The following PDE11A variants were observed in gnomAD, a reference collection of about 807,000 sequenced individuals.
The protein encoded by PDE11A is dual 3',5'-cyclic-AMP and -GMP phosphodiesterase 11A.
Under a neutral mutation model 100.5 loss-of-function variants are expected in PDE11A, and 100 were observed. The ratio of observed to expected loss-of-function variants is 1.00; its 90% confidence interval spans 0.85 to 1.18. The LOEUF is 1.18. Ranked by LOEUF, PDE11A falls within the 50% of genes most tolerant of loss-of-function variation. The pLI is 0.00. For synonymous variants in PDE11A, 381 were observed against 420.8 expected, an observed-to-expected ratio of 0.91 and a Z score of 1.16; for missense variants, 1,141 against 1,152.6, an observed-to-expected ratio of 0.99 and a Z score of 0.15.
chr2:177,680,843 GT>G lies in PDE11A; in HGVS notation c.2405del (p.Asn802ThrfsTer10). On this transcript the variant is annotated frameshift_variant, in exon 16 of 20. Transcript: ENST00000286063. LOFTEE classifies it high-confidence loss of function. ...SKGEYDWNIKNHRDIFRSMLM... is the reference protein window; with the variant it reads ...SKGEYDWNIKXHRDIFRSMLM... The stretch of plus-strand genomic sequence containing the variant: ...TTTCTTACCGAAATATATCACGATG[GT>G]TTTTGATGTTCCAATCGTATTCTCC... The G allele has an allele frequency of 4.4e-6, 7 of 1,577,344 alleles. No homozygotes were observed. The highest frequency in any genetic ancestry group is 6.1e-6 in the Non-Finnish European group (7 of 1,147,540).
At chr2:178,053,475 A>G (rs916770088) in intron 1 of PDE11A, among the ~76,000 whole-genome samples, 1 of 152,190 alleles carries the variant, frequency 6.6e-6, no homozygotes, top group African/African-American at 2.4e-5. Flanking sequence ...GCCCTCTCTC[A>G]CCACTCCTAT....
chr2:177,878,994 C>T (rs1200887090), intron 4 of PDE11A, among the ~76,000 whole-genome samples: 4 of 152,138 alleles, frequency 2.6e-5, no homozygotes, highest in South Asian at 2.1e-4. Context: ...ATTGTTTCTG[C>T]ATTTCAAAAT....
chr2:177,847,849 T>C (rs1295649480), intron 5 of PDE11A, among the ~76,000 whole-genome samples: 1 of 152,160 alleles, frequency 6.6e-6, no homozygotes, highest in Non-Finnish European at 1.5e-5. Flanking sequence ...CCCATACCCC[T>C]CTCTGTAGAC....
At chr2:177,641,502 G>A (rs73977687) in intron 19 of PDE11A, among the ~76,000 whole-genome samples, 10,087 of 151,492 alleles carry the variant, frequency 0.067, 929 homozygotes, top group African/African-American at 0.21. Flanking sequence ...CTATATGTGA[G>A]AGCAGATGGA....
At chr2:177,938,877 A>G (rs764247343) in intron 2 of PDE11A, among the ~76,000 whole-genome samples, 3 of 152,194 alleles carry the variant, frequency 2.0e-5, no homozygotes, top group Non-Finnish European at 2.9e-5. Context: ...CTAATCCAAT[A>G]TGACTGGTGT....
At chr2:177,994,148 C>T (rs190473728) in intron 2 of PDE11A, among the ~76,000 whole-genome samples, 2 of 152,142 alleles carry the variant, frequency 1.3e-5, no homozygotes, top group African/African-American at 2.4e-5. Context: ...GCGGGCTGGT[C>T]TCGAACTCCT....
intron 10 of PDE11A, among the ~76,000 whole-genome samples, chr2:177,758,026 C>CGCCTGTAA (rs1298886518): frequency 2.0e-5 from 3 of 151,850 alleles, no homozygotes; most frequent in African/African-American, 7.3e-5. Flanking sequence ...CGGTGGCTCA[C>CGCCTGTAA]TCCTGTAATC....
At chr2:178,080,591 G>T (rs2087272223) in intron 2 of PDE11A, among the ~76,000 whole-genome samples, 1 of 152,142 alleles carries the variant, frequency 6.6e-6, no homozygotes, top group Non-Finnish European at 1.5e-5. Context: ...ATTAAGCACT[G>T]ATGCCTTTCT....
At chr2:178,040,390 GATGTCCAGTTTATTCTTCT>G (rs1381823983) in intron 1 of PDE11A, among the ~76,000 whole-genome samples, 8 of 152,090 alleles carry the variant, frequency 5.3e-5, no homozygotes, top group Non-Finnish European at 1.2e-4. Context: ...TGAGTAGAAG[GATGTCCAGTTTATTCTTCT>G]TTATGCTGTA....
At chr2:178,017,189 G>A (rs2086349204) in intron 1 of PDE11A, among the ~76,000 whole-genome samples, 1 of 152,258 alleles carries the variant, frequency 6.6e-6, no homozygotes, top group South Asian at 2.1e-4. Flanking sequence ...AAGGCGCTAA[G>A]GCGCCACATA....
intron 1 of PDE11A, among the ~76,000 whole-genome samples, chr2:178,040,000 T>A (rs1315331316): frequency 6.7e-6 from 1 of 150,062 alleles, no homozygotes; most frequent in Non-Finnish European, 1.5e-5. Flanking sequence ...ATGAAGGTGG[T>A]GGTGACAAGA....
intron 1 of PDE11A, among the ~76,000 whole-genome samples, chr2:178,066,306 G>C (rs970089822): frequency 2.0e-5 from 3 of 152,170 alleles, no homozygotes; most frequent in Admixed American, 6.5e-5. Flanking sequence ...CAGATTCAGG[G>C]CCCGCTTCGT....
intron 13 of PDE11A, among the ~76,000 whole-genome samples, chr2:177,705,136 G>A (rs1283167918): frequency 2.0e-5 from 3 of 152,058 alleles, no homozygotes; most frequent in African/African-American, 7.2e-5. Context: ...CACTGTGCCT[G>A]GCTGATTGTA....
chr2:177,697,501 T>C (rs2081131405), intron 14 of PDE11A, 69 bp from the exon 15 acceptor site: 1 of 812,500 alleles, frequency 1.2e-6, no homozygotes, highest in African/African-American at 1.7e-5. Flanking sequence ...GTTTTTCCTC[T>C]ATTTAAAAAA....
At chr2:177,798,126 C>T (rs1326311644) in intron 9 of PDE11A, among the ~76,000 whole-genome samples, 1 of 152,190 alleles carries the variant, frequency 6.6e-6, no homozygotes, top group African/African-American at 2.4e-5. Context: ...CTATGACTTT[C>T]CTTCTCCATG....
chr2:177,831,579 T>C (rs1391330083), intron 6 of PDE11A, among the ~76,000 whole-genome samples: 1 of 152,200 alleles, frequency 6.6e-6, no homozygotes, highest in African/African-American at 2.4e-5. Context: ...CAAGAAGCTA[T>C]CAAATGCACA....
chr2:178,013,611 A>G (rs1414895310), intron 2 of PDE11A, among the ~76,000 whole-genome samples: 1 of 152,214 alleles, frequency 6.6e-6, no homozygotes, highest in Non-Finnish European at 1.5e-5. Context: ...CTAATTTGAG[A>G]TTTGCTTTTA....
chr2:178,097,944 T>A (rs2087515670), intron 2 of PDE11A, among the ~76,000 whole-genome samples: 1 of 152,160 alleles, frequency 6.6e-6, no homozygotes, highest in Non-Finnish European at 1.5e-5. Context: ...ATCTATCAAT[T>A]GGAAGAATAC....
intron 19 of PDE11A, among the ~76,000 whole-genome samples, chr2:177,657,539 T>C (rs1465568916): frequency 6.6e-6 from 1 of 151,994 alleles, no homozygotes; most frequent in Non-Finnish European, 1.5e-5. Flanking sequence ...TACAAAGCTC[T>C]AGCAGGAAGA....
Sources: gnomAD v4.1 joint callset for allele counts (sites outside exome capture counted in the v4.1 genomes callset) on GRCh38, gnomAD v4.1.1 for gene constraint, MANE v1.5 for transcripts, NCBI Gene and HGNC (gene_info 2026-07-23, HGNC 2026-07-21) for gene names.